CSMD2: variants seen among roughly 807,000 people sequenced by gnomAD.
The protein encoded by CSMD2 is CUB and Sushi multiple domains 2.
In CSMD2, 130 loss-of-function variants were observed where a neutral mutation model predicts 398.5. The ratio of observed to expected loss-of-function variants is 0.33; its 90% CI spans 0.28 to 0.38. The LOEUF (loss-of-function observed/expected upper bound fraction) is 0.38. CSMD2 is among the 10% of genes least tolerant of loss of function. The pLI is 1.00. For missense variants in CSMD2, 3,829 were observed against 4,764.9 expected (o/e 0.80, Z 5.78); for synonymous variants, 1,828 against 1,908.5 (o/e 0.96, Z 1.10).
chr1:33,985,713 C>T (rs1004721771), intron 3 of CSMD2, among the ~76,000 whole-genome samples: 4 of 152,186 alleles, frequency 2.6e-5, no homozygotes, highest in African/African-American at 9.7e-5. Context: ...CCCAGTAGAT[C>T]TTGTGCCTTT....
At chr1:34,000,518 G>A (rs1052508989) in intron 3 of CSMD2, among the ~76,000 whole-genome samples, 1 of 152,078 alleles carries the variant, frequency 6.6e-6, no homozygotes, top group Non-Finnish European at 1.5e-5. Flanking sequence ...ATGCAGAACC[G>A]CTCGGTTCAT....
chr1:33,544,904 T>C (rs1397599573), intron 57 of CSMD2, among the ~76,000 whole-genome samples: 3 of 151,686 alleles, frequency 2.0e-5, no homozygotes, highest in Non-Finnish European at 4.4e-5. Flanking sequence ...TTGCCACTTC[T>C]GCCAATGTCT....
At position 33,515,515 on chromosome 1, in the gene CSMD2, C is replaced by T. The variant is rs1485934093; in HGVS notation, c.*1109G>A. 2 of 152,238 alleles carry T rather than the reference C, an allele frequency of 1.3e-5. No homozygotes were observed. Among genetic ancestry groups the T allele is most frequent in the Non-Finnish European group, 2.9e-5 (2 of 68,064 alleles). The allele number at this position is 152,238 out of a possible 1,614,324, so 9.4% of individuals were successfully genotyped here. ...GGGCAGACTGATCTGGGTTTGCATTCTGACTCCACACTTCCTAACTCTGTC... is the reference window on the plus strand; with the variant it reads ...GGGCAGACTGATCTGGGTTTGCATTTTGACTCCACACTTCCTAACTCTGTC... On this transcript the variant is annotated 3_prime_UTR_variant, in exon 71 of 71. Coordinates refer to ENST00000373381, the MANE Select transcript of CSMD2 (RefSeq NM_001281956.2).
At chr1:33,856,994 G>C (rs1006509196) in intron 5 of CSMD2, among the ~76,000 whole-genome samples, 1 of 152,040 alleles carries the variant, frequency 6.6e-6, no homozygotes, top group Admixed American at 6.6e-5. Flanking sequence ...CAGCAAGGTA[G>C]ACTCGTAGGC....
chr1:33,540,981 A>AG (rs778092535), intron 59 of CSMD2, 149 bp downstream of exon 59: 6 of 860,570 alleles, frequency 7.0e-6, no homozygotes, highest in Non-Finnish European at 5.5e-6. Flanking sequence ...GCAGATGTTC[A>AG]GGGGCCAGTT....
intron 2 of CSMD2, among the ~76,000 whole-genome samples, chr1:34,070,522 T>C (rs989231717): frequency 6.6e-6 from 1 of 152,216 alleles, no homozygotes; most frequent in Non-Finnish European, 1.5e-5. Context: ...GGGATGAATA[T>C]GACACTTCAA....
intron 13 of CSMD2, among the ~76,000 whole-genome samples, chr1:33,767,035 GA>G (rs1277220953): frequency 3.9e-5 from 6 of 152,168 alleles, no homozygotes; most frequent in Non-Finnish European, 7.3e-5. Context: ...TTCAAGAGAA[GA>G]AAAAGCCATA....
chr1:33,823,331 C>G (rs763508364), intron 7 of CSMD2, among the ~76,000 whole-genome samples: 3 of 152,112 alleles, frequency 2.0e-5, no homozygotes, highest in Non-Finnish European at 2.9e-5. Context: ...AACAAGCAAA[C>G]TTAAATCTCA....
chr1:33,705,638 G>GT lies in CSMD2; in HGVS notation c.3576+3450dup, dbSNP rs528300351. ...GAATCATAATTTTTTAATGGTCATT[G>GT]TTTTTTTTTCAGATTTTTTTTAATA... On this transcript the variant is annotated intron_variant, in intron 22 of 70. Transcript: ENST00000373381. Among the ~76,000 whole-genome samples, 140 of 148,262 alleles carry GT rather than the reference G, an allele frequency of 9.4e-4. 3 individuals carry two copies. The South Asian group carries it at 0.027, about 29-fold the overall frequency.
chr1:34,007,091 C>T (rs1162897460), intron 3 of CSMD2, among the ~76,000 whole-genome samples: 1 of 151,920 alleles, frequency 6.6e-6, no homozygotes, highest in African/African-American at 2.4e-5. Context: ...AAAAAAGGAC[C>T]TTTATTTAAG....
intron 25 of CSMD2, among the ~76,000 whole-genome samples, chr1:33,685,250 C>T (rs537528993): frequency 9.2e-5 from 14 of 152,308 alleles, no homozygotes; most frequent in East Asian, 1.9e-4. Flanking sequence ...TCCTGAGCAG[C>T]GGTACCAAGT....
intron 2 of CSMD2, among the ~76,000 whole-genome samples, chr1:34,058,019 C>T (rs1189239637): frequency 6.6e-6 from 1 of 152,066 alleles, no homozygotes; most frequent in African/African-American, 2.4e-5. Context: ...GAGAACTAGC[C>T]TGGGAGTAGG....
chr1:33,728,030 C>G (rs578010886), intron 15 of CSMD2, among the ~76,000 whole-genome samples: 1 of 152,104 alleles, frequency 6.6e-6, no homozygotes, highest in East Asian at 1.9e-4. Flanking sequence ...CTATTATTAC[C>G]TCCTAGGAAA....
chr1:33,814,204 C>T (rs1238198468), intron 9 of CSMD2: 2 of 152,262 alleles, frequency 1.3e-5, no homozygotes, highest in African/African-American at 4.8e-5. Flanking sequence ...TTTCTTCTTC[C>T]TCCTTTCATC....
intron 25 of CSMD2, among the ~76,000 whole-genome samples, chr1:33,685,335 T>C (rs986628651): frequency 6.6e-6 from 1 of 152,332 alleles, no homozygotes; most frequent in Non-Finnish European, 1.5e-5. Context: ...TTAGTCCGTT[T>C]TTCTATTTTC....
chr1:33,756,480 T>A (rs192439794), intron 13 of CSMD2, among the ~76,000 whole-genome samples: 1 of 152,224 alleles, frequency 6.6e-6, no homozygotes, highest in Non-Finnish European at 1.5e-5. Context: ...GCAGCAGGAA[T>A]GGCCTGTCTG....
intron 2 of CSMD2, among the ~76,000 whole-genome samples, chr1:34,041,593 T>A (rs1280737686): frequency 6.6e-6 from 1 of 152,182 alleles, no homozygotes; most frequent in Non-Finnish European, 1.5e-5. Context: ...ACTCACTTCC[T>A]CAGGCTGGGG....
At chr1:33,957,473 G>C (rs924219246) in intron 3 of CSMD2, among the ~76,000 whole-genome samples, 2 of 152,038 alleles carry the variant, frequency 1.3e-5, no homozygotes, top group African/African-American at 4.8e-5. Context: ...TTTAAGATTT[G>C]GGACAAGATC....
chr1:34,007,082 A>T (rs1381687314), intron 3 of CSMD2, among the ~76,000 whole-genome samples: 2 of 152,090 alleles, frequency 1.3e-5, no homozygotes, highest in Non-Finnish European at 2.9e-5. Flanking sequence ...GTGGAACCTA[A>T]AAAAGGACCT....
Sources: allele counts gnomAD v4.1 joint callset (sites outside exome capture counted in the v4.1 genomes callset), GRCh38; gene constraint gnomAD v4.1.1; transcripts MANE v1.5; gene names NCBI Gene and HGNC (gene_info 2026-07-23, HGNC 2026-07-21).